The following BTG4 variants were observed in gnomAD, a reference collection of about 807,000 sequenced individuals.
BTG4 encodes the protein BTG anti-proliferation factor 4.
In BTG4, 10 loss-of-function variants were observed where a neutral mutation model predicts 19.3. The ratio of observed to expected loss-of-function variants is 0.52; its 90% CI spans 0.32 to 0.88. The LOEUF is 0.88. Ranked by LOEUF, BTG4 falls within the 40% of genes least tolerant of loss-of-function variation. BTG4 has a pLI of 0.04. For synonymous variants in BTG4, 91 were observed against 95.7 expected (o/e 0.95, Z 0.29); for missense variants, 238 against 281.9 (o/e 0.84, Z 1.11).
At chr11:111,412,648 C>T in the BTG4 span, among the ~76,000 whole-genome samples, 15 of 152,176 alleles carry the variant, frequency 9.9e-5, no homozygotes, top group African/African-American at 3.6e-4. Flanking sequence ...TTCCAACAGT[C>T]TTACGAGGTT....
the BTG4 span, chr11:111,454,480 G>A: frequency 2.8e-5 from 10 of 359,128 alleles, no homozygotes; most frequent in Middle Eastern, 3.9e-4. Context: ...GGAACATAGA[G>A]TCCTAAAGGA....
downstream of BTG4, chr11:111,467,493 G>A: frequency 1.9e-6 from 1 of 532,498 alleles, no homozygotes; most frequent in South Asian, 3.0e-5. Context: ...ATGCCACGTA[G>A]CTGAGATGCA....
chr11:111,465,316 A>G (rs2135506326), downstream of BTG4, among the ~76,000 whole-genome samples: 1 of 152,308 alleles, frequency 6.6e-6, no homozygotes, highest in Middle Eastern at 3.4e-3. Context: ...GGCCCACTCC[A>G]TACCTCCAAC....
At chr11:111,441,317 C>T in the BTG4 span, among the ~76,000 whole-genome samples, 8 of 151,868 alleles carry the variant, frequency 5.3e-5, no homozygotes, top group Admixed American at 3.3e-4. Context: ...CTCATGTTCC[C>T]ACAGGAAGGA....
the BTG4 span, among the ~76,000 whole-genome samples, chr11:111,398,607 C>A: frequency 6.6e-6 from 1 of 152,068 alleles, no homozygotes; most frequent in Non-Finnish European, 1.5e-5. Context: ...GCACCCACCA[C>A]CATGCCCGGC....
chr11:111,509,911 CTTTT>C (rs1450409427), intron 1 of BTG4, among the ~76,000 whole-genome samples: 6 of 114,724 alleles, frequency 5.2e-5, no homozygotes, highest in Non-Finnish European at 1.1e-4. Flanking sequence ...TTTCTTTTTT[CTTTT>C]TTTTTTTTTT....
the BTG4 span, among the ~76,000 whole-genome samples, chr11:111,436,196 A>G: frequency 2.6e-5 from 4 of 152,148 alleles, no homozygotes; most frequent in Admixed American, 2.0e-4. Flanking sequence ...CTTACTCTTC[A>G]TTTCACCCTC....
At chr11:111,492,747 G>A (rs1360029961), downstream of BTG4, among the ~76,000 whole-genome samples, 1 of 152,198 alleles carries the variant, frequency 6.6e-6, no homozygotes, top group African/African-American at 2.4e-5. Context: ...ACATATGACT[G>A]TAAACTGGAC....
upstream of BTG4, among the ~76,000 whole-genome samples, chr11:111,513,684 T>G (rs1483105369): frequency 2.0e-5 from 3 of 151,990 alleles, no homozygotes; most frequent in East Asian, 5.8e-4. Flanking sequence ...GTATGTGGGG[T>G]TTTGTTTTGT....
At chr11:111,508,068 G>C (rs899558051) in intron 1 of BTG4, 1 of 152,146 alleles carries the variant, frequency 6.6e-6, no homozygotes, top group Non-Finnish European at 1.5e-5. Flanking sequence ...TCTCTGACTA[G>C]ATTTTCCCCC....
chr11:111,492,119 C>T (rs534821620), downstream of BTG4, among the ~76,000 whole-genome samples: 29 of 152,270 alleles, frequency 1.9e-4, no homozygotes, highest in African/African-American at 6.7e-4. Flanking sequence ...TACTGTGCTA[C>T]AAGAATTATG....
chr11:111,500,330 A>T (rs1865992433), intron 1 of BTG4, among the ~76,000 whole-genome samples: 1 of 152,170 alleles, frequency 6.6e-6, no homozygotes, highest in Admixed American at 6.5e-5. Context: ...GCTCAGGATT[A>T]GTGATCATTC....
At chr11:111,391,084 A>G in the BTG4 span, among the ~76,000 whole-genome samples, 1 of 152,230 alleles carries the variant, frequency 6.6e-6, no homozygotes. Flanking sequence ...ATAAAGTCTC[A>G]TTGATTAATT....
chr11:111,455,037 C>T, the BTG4 span: 7 of 456,002 alleles, frequency 1.5e-5, no homozygotes, highest in Non-Finnish European at 3.1e-5. Context: ...GGCGCTGCCT[C>T]CCAGCCTCCG....
chr11:111,425,251 T>C, the BTG4 span, among the ~76,000 whole-genome samples: 1 of 152,096 alleles, frequency 6.6e-6, no homozygotes, highest in Non-Finnish European at 1.5e-5. Context: ...CATTTCTGGG[T>C]AGGGGGTTCA....
the BTG4 span, among the ~76,000 whole-genome samples, chr11:111,408,431 G>A: frequency 0.041 from 6,233 of 152,206 alleles, 140 homozygotes; most frequent in Middle Eastern, 0.14. Context: ...GACTCACTGC[G>A]GGGAAAACCA....
chr11:111,443,401 A>G, the BTG4 span, among the ~76,000 whole-genome samples: 6 of 152,380 alleles, frequency 3.9e-5, no homozygotes, highest in South Asian at 8.3e-4. Flanking sequence ...GTATTGGTTC[A>G]TTAATTATAA....
the BTG4 span, among the ~76,000 whole-genome samples, chr11:111,425,350 AGACACAGGAGCCCTG>A: frequency 3.9e-5 from 6 of 152,120 alleles, no homozygotes; most frequent in African/African-American, 1.4e-4. Context: ...CATACACAAA[AGACACAGGAGCCCTG>A]GCCTCATGGA....
chr11:111,422,560 T>G, the BTG4 span, among the ~76,000 whole-genome samples: 1 of 152,314 alleles, frequency 6.6e-6, no homozygotes, highest in South Asian at 2.1e-4. Context: ...ATGTGTCCTT[T>G]GACCTTTTTG....
Sources: allele counts gnomAD v4.1 joint callset (sites outside exome capture counted in the v4.1 genomes callset), GRCh38; gene constraint gnomAD v4.1.1; transcripts MANE v1.5; gene names NCBI Gene and HGNC (gene_info 2026-07-23, HGNC 2026-07-21).